NFATC2: variants seen among roughly 807,000 people sequenced by gnomAD.
The protein encoded by NFATC2 is nuclear factor of activated T-cells, cytoplasmic 2.
Under a neutral mutation model 87.3 loss-of-function variants are expected in NFATC2, and 22 were observed. That is an observed-to-expected ratio of 0.25 (90% CI 0.18 to 0.36). The LOEUF (loss-of-function observed/expected upper bound fraction) is 0.36. NFATC2 is among the 10% of genes least tolerant of loss of function. The probability of loss-of-function intolerance (pLI) is 1.00; values close to 1 mark genes in which losing one functional copy is unlikely to be tolerated. For missense variants in NFATC2, 1,149 were observed against 1,259.1 expected, an observed-to-expected ratio of 0.91 and a Z score of 1.32; for synonymous variants, 565 against 542.2, an observed-to-expected ratio of 1.04 and a Z score of -0.58.
chr20:51,522,481 C>G (rs17801791), intron 2 of NFATC2, among the ~76,000 whole-genome samples: 2 of 152,096 alleles, frequency 1.3e-5, no homozygotes, highest in Non-Finnish European at 2.9e-5. Context: ...TCAAAGCGAG[C>G]CTTAAGAGAC....
intron 3 of NFATC2, among the ~76,000 whole-genome samples, chr20:51,502,327 T>A (rs2076101827): frequency 6.6e-6 from 1 of 152,230 alleles, no homozygotes; most frequent in Non-Finnish European, 1.5e-5. Context: ...TTATCTTTAC[T>A]GTTTGGGGTT....
At chr20:51,473,899 G>C (rs532263140) in intron 5 of NFATC2, 81 bp downstream of exon 5, 1 of 1,486,668 alleles carries the variant, frequency 6.7e-7, no homozygotes, top group Non-Finnish European at 9.1e-7. Flanking sequence ...CGGGTACCTC[G>C]CCCAGAATAC....
chr20:51,401,270 G>A (rs989380574), intron 9 of NFATC2, among the ~76,000 whole-genome samples: 9 of 152,110 alleles, frequency 5.9e-5, no homozygotes, highest in East Asian at 3.9e-4. Flanking sequence ...CCTGGGAGGC[G>A]GAGGTTGCAG....
At chr20:51,429,640 TCTC>T (rs1982393783) in intron 9 of NFATC2, among the ~76,000 whole-genome samples, 1 of 152,176 alleles carries the variant, frequency 6.6e-6, no homozygotes, top group African/African-American at 2.4e-5. Flanking sequence ...TGCGATGCGC[TCTC>T]CTTTGTGCTA....
chr20:51,485,872 G>A (rs1440239525), intron 3 of NFATC2, among the ~76,000 whole-genome samples: 2 of 152,172 alleles, frequency 1.3e-5, no homozygotes, highest in Admixed American at 6.5e-5. Context: ...TGGCAATTAA[G>A]GGCCTCTTTT....
intron 6 of NFATC2, among the ~76,000 whole-genome samples, chr20:51,453,736 A>G (rs750107770): frequency 6.6e-6 from 1 of 152,190 alleles, no homozygotes; most frequent in Non-Finnish European, 1.5e-5. Context: ...AAGAAGTACC[A>G]ATTCCACAAT....
At chr20:51,511,079 C>A (rs535968020) in intron 3 of NFATC2, among the ~76,000 whole-genome samples, 1 of 152,232 alleles carries the variant, frequency 6.6e-6, no homozygotes, top group Admixed American at 6.5e-5. Context: ...AAAAACAAAA[C>A]CTATAAAACC....
At chr20:51,528,954 G>A (rs1026614081) in intron 1 of NFATC2, among the ~76,000 whole-genome samples, 6 of 152,118 alleles carry the variant, frequency 3.9e-5, no homozygotes, top group Non-Finnish European at 8.8e-5. Flanking sequence ...GCATCTGTAA[G>A]GCCTGGAGTT....
In NFATC2 at chr20:51,477,567, ATATATATAT is replaced by A. The variant is rs1568667262; in HGVS notation, c.1333-1916_1333-1908del. On this transcript the variant is annotated intron_variant, in intron 3 of 10. Transcript: ENST00000371564. ...TATATATATATATATATATATATAT[ATATATATAT>A]ATATAAAATAACAAGAGACAAAAGG... is the stretch of plus-strand genomic sequence containing the variant. Among the ~76,000 whole-genome samples the A allele has an allele frequency of 2.1e-3, 217 of 100,956 alleles. 2 individuals carry two copies. Among genetic ancestry groups the A allele is most frequent in the African/African-American group, 6.2e-3 (189 of 30,332 alleles). 66.2% of individuals were successfully genotyped at this position (100,956 alleles called of 152,430 possible).
intron 9 of NFATC2, among the ~76,000 whole-genome samples, chr20:51,419,517 G>A (rs1470093664): frequency 6.6e-6 from 1 of 152,116 alleles, no homozygotes; most frequent in Non-Finnish European, 1.5e-5. Context: ...GAAAAAGCCT[G>A]GGTTCCTGGT....
chr20:51,456,260 C>T (rs769673912), intron 5 of NFATC2, among the ~76,000 whole-genome samples: 9 of 152,150 alleles, frequency 5.9e-5, no homozygotes, highest in Middle Eastern at 3.2e-3. Flanking sequence ...AGGAACAGGA[C>T]AGGCCTGTGC....
intron 1 of NFATC2, among the ~76,000 whole-genome samples, chr20:51,552,551 G>A (rs2076943068): frequency 6.6e-6 from 1 of 152,136 alleles, no homozygotes; most frequent in Non-Finnish European, 1.5e-5. Flanking sequence ...TATTTTCCAA[G>A]AGGGGATTGC....
At chr20:51,404,998 C>T (rs549119701) in intron 9 of NFATC2, among the ~76,000 whole-genome samples, 3 of 152,288 alleles carry the variant, frequency 2.0e-5, no homozygotes, top group Admixed American at 2.0e-4. Flanking sequence ...GATGAGTAGA[C>T]ATGGTGATTC....
At chr20:51,483,585 C>T (rs1217566385) in intron 3 of NFATC2, among the ~76,000 whole-genome samples, 2 of 151,234 alleles carry the variant, frequency 1.3e-5, no homozygotes, top group Non-Finnish European at 2.9e-5. Context: ...ACCTGCCATC[C>T]TAACCCCACC....
chr20:51,393,650 A>G (rs570948913), intron 10 of NFATC2, among the ~76,000 whole-genome samples: 1 of 152,320 alleles, frequency 6.6e-6, no homozygotes, highest in East Asian at 1.9e-4. Flanking sequence ...TAAGCTGACC[A>G]TGCTGTGTAG....
rs529302226 is a variant in NFATC2, at chr20:51,457,954, C to T, written c.1709-3266G>A. Among the ~76,000 whole-genome samples the T allele has an allele frequency of 6.6e-5, 10 of 150,806 alleles. No homozygotes were observed. The East Asian group carries it at 1.4e-3, about 21-fold the overall frequency. Reference sequence around the variant, plus strand: ...AGGCAGGAGTACAGTGGTGGCATCACGGCTCACTGCAGCCTCTGCCTCCTG... The same window carrying T: ...AGGCAGGAGTACAGTGGTGGCATCATGGCTCACTGCAGCCTCTGCCTCCTG... On this transcript the variant is annotated intron_variant, in intron 5 of 10. Transcript: ENST00000371564.
intron 1 of NFATC2, among the ~76,000 whole-genome samples, chr20:51,561,484 A>AAAGAAAGAAAGCAAGCAAGC (rs2077029945): frequency 2.2e-5 from 2 of 90,056 alleles, no homozygotes; most frequent in African/African-American, 4.6e-5. Context: ...AGAAAGAAAG[A>AAAGAAAGAAAGCAAGCAAGC]AAGCAAGCAA....
Position 51,474,023 on chromosome 20 carries a change from G to A in NFATC2, c.1665C>T (p.Gly555=). 2 of 1,614,262 alleles carry A rather than the reference G, an allele frequency of 1.2e-6. No individual in the cohort carries two copies. Among genetic ancestry groups the A allele is most frequent in the Non-Finnish European group, 1.7e-6 (2 of 1,180,046 alleles). The change falls in exon 5 of 11, where the codon GGC becomes GGT. Residue 555 remains glycine (G), a synonymous_variant. Coordinates refer to ENST00000371564, the MANE Select transcript of NFATC2 (RefSeq NM_012340.5). ...VFRVHIPESS[G]RIVSLQTASN... ...ATGCAGTCTGTAAAGAGACGATTCTGCCACTGGACTCTGGGATGTGAACTC... is the reference window on the plus strand; with the variant it reads ...ATGCAGTCTGTAAAGAGACGATTCTACCACTGGACTCTGGGATGTGAACTC...
intron 3 of NFATC2, among the ~76,000 whole-genome samples, chr20:51,509,749 C>T (rs2076242729): frequency 1.3e-5 from 2 of 152,244 alleles, no homozygotes; most frequent in Non-Finnish European, 2.9e-5. Context: ...TCTTCCCTTC[C>T]TTAGATATCA....
Sources: allele counts gnomAD v4.1 joint callset (sites outside exome capture counted in the v4.1 genomes callset), GRCh38; gene constraint gnomAD v4.1.1; transcripts MANE v1.5; gene names NCBI Gene and HGNC (gene_info 2026-07-23, HGNC 2026-07-21).